DIP2B: variants seen among roughly 807,000 people sequenced by gnomAD.
The protein encoded by DIP2B is disco-interacting protein 2 homolog B.
In DIP2B, 76 loss-of-function variants were observed where a neutral mutation model predicts 198.0. The ratio of observed to expected loss-of-function variants is 0.38; its 90% CI spans 0.32 to 0.46. The LOEUF (loss-of-function observed/expected upper bound fraction) is 0.46. DIP2B is among the 20% of genes least tolerant of loss of function. The pLI is 0.99. For synonymous variants in DIP2B, 701 were observed against 739.1 expected (o/e 0.95, Z 0.84); for missense variants, 1,559 against 1,978.4 (o/e 0.79, Z 4.02).
chr12:50,614,050 A>G (rs746907035), intron 1 of DIP2B, among the ~76,000 whole-genome samples: 5 of 152,112 alleles, frequency 3.3e-5, no homozygotes, highest in African/African-American at 7.2e-5. Context: ...ATACTACCCC[A>G]TATCTCTTTC....
intron 1 of DIP2B, among the ~76,000 whole-genome samples, chr12:50,603,110 G>A (rs1958952669): frequency 1.3e-5 from 2 of 151,610 alleles, no homozygotes; most frequent in African/African-American, 4.8e-5. Flanking sequence ...CTTGCAGTGA[G>A]CCGAGGTTCG....
chr12:50,524,145 T>A (rs1181661187), intron 1 of DIP2B, among the ~76,000 whole-genome samples: 4 of 152,210 alleles, frequency 2.6e-5, no homozygotes, highest in Admixed American at 2.6e-4. Flanking sequence ...TCAGTGAGCC[T>A]TTTTGGTACT....
At chr12:50,583,580 G>C (rs1431434665) in intron 1 of DIP2B, among the ~76,000 whole-genome samples, 4 of 152,194 alleles carry the variant, frequency 2.6e-5, no homozygotes, top group Non-Finnish European at 5.9e-5. Context: ...TACAAATTCA[G>C]TACGGTCCTT....
chr12:50,643,219 C>T (rs1446089356), intron 3 of DIP2B, among the ~76,000 whole-genome samples: 1 of 152,094 alleles, frequency 6.6e-6, no homozygotes, highest in Non-Finnish European at 1.5e-5. Context: ...TGAGCTTCAC[C>T]TGTTAAAACC....
At chr12:50,562,873 A>G (rs944545905) in intron 1 of DIP2B, among the ~76,000 whole-genome samples, 8 of 152,192 alleles carry the variant, frequency 5.3e-5, no homozygotes, top group African/African-American at 1.9e-4. Flanking sequence ...ACAATACTAT[A>G]AGGCAAATAA....
chr12:50,544,480 GTATTTT>G (rs1958357964), intron 1 of DIP2B, among the ~76,000 whole-genome samples: 1 of 152,014 alleles, frequency 6.6e-6, no homozygotes, highest in African/African-American at 2.4e-5. Context: ...CTAATTTTTT[GTATTTT>G]TAGTACAGAC....
At chr12:50,562,148 T>A (rs1958524355) in intron 1 of DIP2B, among the ~76,000 whole-genome samples, 1 of 152,170 alleles carries the variant, frequency 6.6e-6, no homozygotes, top group African/African-American at 2.4e-5. Flanking sequence ...AGGAGCAGGC[T>A]TTGGAATACA....
At chr12:50,533,233 A>G (rs1210554978) in intron 1 of DIP2B, among the ~76,000 whole-genome samples, 1 of 152,242 alleles carries the variant, frequency 6.6e-6, no homozygotes, top group East Asian at 1.9e-4. Context: ...TTTCAGTCTC[A>G]TCAAATTCAA....
At chr12:50,684,977 A>G (rs1939109260) in intron 10 of DIP2B, among the ~76,000 whole-genome samples, 1 of 152,166 alleles carries the variant, frequency 6.6e-6, no homozygotes. Context: ...CTGTAGTCCC[A>G]GCTACTTGGG....
At chr12:50,645,348 T>C (rs747630376) in intron 3 of DIP2B, among the ~76,000 whole-genome samples, 6 of 152,218 alleles carry the variant, frequency 3.9e-5, no homozygotes, top group Non-Finnish European at 8.8e-5. Context: ...GTTGTAGTAT[T>C]GTGTATAATA....
At chr12:50,601,114 T>C (rs575377484) in intron 1 of DIP2B, among the ~76,000 whole-genome samples, 14 of 152,288 alleles carry the variant, frequency 9.2e-5, no homozygotes, top group African/African-American at 2.9e-4. Context: ...GTATAATTTG[T>C]CTTGTTCCTT....
At chr12:50,550,010 T>C (rs1958413673) in intron 1 of DIP2B, among the ~76,000 whole-genome samples, 1 of 152,184 alleles carries the variant, frequency 6.6e-6, no homozygotes, top group East Asian at 1.9e-4. Flanking sequence ...ACTTTTTGAT[T>C]TTCTAGGAGC....
At chr12:50,534,148 A>C (rs1193904384) in intron 1 of DIP2B, among the ~76,000 whole-genome samples, 1 of 152,196 alleles carries the variant, frequency 6.6e-6, no homozygotes, top group African/African-American at 2.4e-5. Flanking sequence ...CTGGGGAATA[A>C]AATATGACTT....
intron 1 of DIP2B, among the ~76,000 whole-genome samples, chr12:50,599,052 G>A (rs1244651512): frequency 7.0e-6 from 1 of 143,812 alleles, no homozygotes; most frequent in East Asian, 2.1e-4. Context: ...CACTCTGGGA[G>A]TCTGAGGTGG....
intron 19 of DIP2B, among the ~76,000 whole-genome samples, chr12:50,701,140 A>G (rs1192029513): frequency 2.0e-5 from 3 of 152,202 alleles, no homozygotes; most frequent in African/African-American, 4.8e-5. Context: ...TTAATACCAA[A>G]CTGCTAGGTC....
At chr12:50,686,831 T>C (rs1939139059) in intron 12 of DIP2B, 149 bp downstream of exon 12, 3 of 646,266 alleles carry the variant, frequency 4.6e-6, no homozygotes, top group Admixed American at 3.1e-5. Flanking sequence ...GTAAAATGCC[T>C]TGTAGTGGAT....
At chr12:50,722,402 C>A (rs775980037) in intron 26 of DIP2B, among the ~76,000 whole-genome samples, 1 of 151,924 alleles carries the variant, frequency 6.6e-6, no homozygotes, top group African/African-American at 2.4e-5. Flanking sequence ...CACAGGCACA[C>A]GCCACCACGC....
intron 1 of DIP2B, among the ~76,000 whole-genome samples, chr12:50,601,071 C>T (rs545044371): frequency 7.9e-5 from 12 of 152,286 alleles, no homozygotes; most frequent in South Asian, 4.1e-4. Flanking sequence ...TTTCTACCTT[C>T]TATCATTCCA....
chr12:50,534,426 G>A (rs954359947), intron 1 of DIP2B, among the ~76,000 whole-genome samples: 6 of 136,728 alleles, frequency 4.4e-5, no homozygotes, highest in African/African-American at 1.7e-4. Context: ...AGACTGGAGT[G>A]TAGTAGCGCA....
Sources: allele counts gnomAD v4.1 joint callset (sites outside exome capture counted in the v4.1 genomes callset), GRCh38; gene constraint gnomAD v4.1.1; transcripts MANE v1.5; gene names NCBI Gene and HGNC (gene_info 2026-07-23, HGNC 2026-07-21).